UGT1A7: variants seen among roughly 807,000 people sequenced by gnomAD.
UGT1A7 encodes UDP-glucuronosyltransferase 1A7.
In UGT1A7, 33 loss-of-function variants were observed where a neutral mutation model predicts 45.6. That is an observed-to-expected ratio of 0.72 (90% CI 0.55 to 0.97). The LOEUF (loss-of-function observed/expected upper bound fraction) is 0.97. Ranked by LOEUF, UGT1A7 falls within the 50% of genes least tolerant of loss-of-function variation. The pLI, the probability that UGT1A7 is intolerant of heterozygous loss-of-function variation, is 0.00. For synonymous variants in UGT1A7, 274 were observed against 250.6 expected, an observed-to-expected ratio of 1.09 and a Z score of -0.88; for missense variants, 684 against 666.2, an observed-to-expected ratio of 1.03 and a Z score of -0.29.
At chr2:233,717,540 G>T (rs1338112101) in intron 1 of UGT1A7, among the ~76,000 whole-genome samples, 1 of 152,252 alleles carries the variant, frequency 6.6e-6, no homozygotes, top group African/African-American at 2.4e-5. Context: ...GGAAGCCTCA[G>T]CCTCACCAGC....
intron 1 of UGT1A7, chr2:233,729,291 C>A (rs370316255): frequency 1.9e-5 from 30 of 1,614,090 alleles, no homozygotes; most frequent in African/African-American, 2.7e-5. Context: ...ATGCCAGAGG[C>A]CACCAGGCAG....
chr2:233,724,157 G>A (rs1410071236), intron 1 of UGT1A7, among the ~76,000 whole-genome samples: 2 of 119,956 alleles, frequency 1.7e-5, no homozygotes, highest in African/African-American at 7.4e-5. Flanking sequence ...GCCGGGTGGG[G>A]GGGCTGACCC....
At chr2:233,685,962 G>T (rs2074766524) in intron 1 of UGT1A7, among the ~76,000 whole-genome samples, 1 of 152,080 alleles carries the variant, frequency 6.6e-6, no homozygotes, top group African/African-American at 2.4e-5. Context: ...GTAGATCAAT[G>T]GAATAGAATT....
Position 233,772,612 on chromosome 2 carries a change from A to C in UGT1A7, c.*53A>C. ...TTGAACCATTCCCTAGTCATTTCCAAACTTGAAAACAGAATCAGTGTTAAA... is the reference window on the plus strand; with the variant it reads ...TTGAACCATTCCCTAGTCATTTCCACACTTGAAAACAGAATCAGTGTTAAA... On this transcript the variant is annotated 3_prime_UTR_variant, in exon 5 of 5. Coordinates refer to ENST00000373426, the MANE Select transcript of UGT1A7 (RefSeq NM_019077.3). The C allele has an allele frequency of 6.3e-7, 1 of 1,577,490 alleles. No homozygotes were observed. Among genetic ancestry groups the C allele is most frequent in the Non-Finnish European group, 8.6e-7 (1 of 1,160,700 alleles).
intron 1 of UGT1A7, among the ~76,000 whole-genome samples, chr2:233,766,473 C>CA (rs574900488): frequency 1.1e-4 from 17 of 152,240 alleles, no homozygotes; most frequent in African/African-American, 4.1e-4. Context: ...TTTTTATAGG[C>CA]ACATGATGGG....
chr2:233,728,573 C>T (rs183295666), intron 1 of UGT1A7, among the ~76,000 whole-genome samples: 6 of 152,150 alleles, frequency 3.9e-5, no homozygotes, highest in Non-Finnish European at 7.3e-5. Flanking sequence ...TATCCTGGTG[C>T]GAAAAACGAC....
At position 233,713,884 on chromosome 2, in the gene UGT1A7, C is replaced by T. The variant is rs182934742; in HGVS notation, c.855+31092C>T. 373 of 1,613,558 alleles carry T rather than the reference C, an allele frequency of 2.3e-4. 1 individual carries two copies. The African/African-American group carries it at 4.1e-3, about 18-fold the overall frequency. On this transcript the variant is annotated intron_variant, in intron 1 of 4. Coordinates refer to ENST00000373426, the MANE Select transcript of UGT1A7 (RefSeq NM_019077.3). ...GTCTGTATTGGTGCCTTTATCCAAT[C>T]AATGTTCCAGGCAAAACACTTTTTA...
Position 233,682,167 on chromosome 2 carries a change from A to C in UGT1A7, c.230A>C (p.Tyr77Ser), listed in dbSNP as rs765761733. Reference protein sequence around the residue: ...GRSLNCTVKTYSTSYTLEDQD... With the variant: ...GRSLNCTVKTSSTSYTLEDQD... ...TCACTGAATTGCACAGTGAAGACTTACTCAACCTCATACACTCTGGAGGAT... is the reference window on the plus strand; with the variant it reads ...TCACTGAATTGCACAGTGAAGACTTCCTCAACCTCATACACTCTGGAGGAT... The change falls in exon 1 of 5, where the codon TAC becomes TCC. Residue 77 changes from tyrosine (Y) to serine (S), a missense_variant. Transcript: ENST00000373426. The C allele has an allele frequency of 5.6e-6, 9 of 1,614,002 alleles. No individual in the cohort carries two copies. Among genetic ancestry groups the C allele is most frequent in the Admixed American group, 5.0e-5 (3 of 60,004 alleles).
intron 1 of UGT1A7, among the ~76,000 whole-genome samples, chr2:233,700,694 C>T (rs1168868240): frequency 6.6e-6 from 1 of 151,780 alleles, no homozygotes; most frequent in African/African-American, 2.4e-5. Context: ...ATATAAACTA[C>T]ACTTTGAATG....
chr2:233,721,426 G>A (rs2076944499), intron 1 of UGT1A7: 1 of 156,732 alleles, frequency 6.4e-6, no homozygotes, highest in African/African-American at 2.4e-5. Flanking sequence ...CCTAAGCATT[G>A]TGGTTTTAAT....
intron 1 of UGT1A7, among the ~76,000 whole-genome samples, chr2:233,757,480 T>G (rs935196749): frequency 1.4e-5 from 2 of 146,296 alleles, no homozygotes; most frequent in African/African-American, 5.1e-5. Context: ...TCCAAAACCA[T>G]GGACTGGCAC....
chr2:233,719,979 C>T (rs2076818736), intron 1 of UGT1A7, among the ~76,000 whole-genome samples: 1 of 152,162 alleles, frequency 6.6e-6, no homozygotes, highest in Non-Finnish European at 1.5e-5. Flanking sequence ...TTCAGCTCGG[C>T]AGGATCAGGG....
In UGT1A7 at chr2:233,766,922, G is replaced by A. The variant is rs955173337; in HGVS notation, c.856-112G>A. The A allele has an allele frequency of 8.3e-6, 13 of 1,559,654 alleles. No individual in the cohort carries two copies. The Middle Eastern group carries it at 1.0e-3, about 123-fold the overall frequency. On this transcript the variant is annotated intron_variant, in intron 1 of 4. Transcript: ENST00000373426. ...TAATTTTTTACTCTATCTCAAACAC[G>A]CATGCCTTTAATCATAGTCTTAAGA...
At chr2:233,740,004 G>A (rs1691279372) in intron 1 of UGT1A7, among the ~76,000 whole-genome samples, 1 of 151,810 alleles carries the variant, frequency 6.6e-6, no homozygotes, top group African/African-American at 2.4e-5. Context: ...GTCATACTAA[G>A]TGAGTTCTCA....
intron 4 of UGT1A7, chr2:233,771,715 T>C (rs1700358256): frequency 6.5e-6 from 1 of 152,904 alleles, no homozygotes; most frequent in African/African-American, 2.4e-5. Flanking sequence ...AAGGTTAAAA[T>C]ATTTCTAAAA....
Position 233,729,529 on chromosome 2 carries a change from G to A in UGT1A7, c.856-37505G>A, listed in dbSNP as rs764609992. 2.5e-6 allele frequency: 4 copies of A among 1,614,202 alleles called. No homozygotes were observed. The South Asian group carries it at 3.3e-5, about 13-fold the overall frequency. On this transcript the variant is annotated intron_variant, in intron 1 of 4. Coordinates refer to ENST00000373426, the MANE Select transcript of UGT1A7 (RefSeq NM_019077.3). ...GTCTTGTGTGGAGCTACTACATAAT[G>A]AGGCCCTGATCAGGCACCTGAATGC...
chr2:233,719,161 T>C, intron 1 of UGT1A7: 2 of 1,614,250 alleles, frequency 1.2e-6, no homozygotes, highest in Non-Finnish European at 1.7e-6. Flanking sequence ...TCTAGAAGTA[T>C]GGCAATTATG....
At chr2:233,698,592 A>G (rs1559349856) in intron 1 of UGT1A7, among the ~76,000 whole-genome samples, 1 of 152,200 alleles carries the variant, frequency 6.6e-6, no homozygotes, top group South Asian at 2.1e-4. Context: ...TAATCCAAGA[A>G]ATTCGGATTA....
chr2:233,698,318 G>A (rs2075436296), intron 1 of UGT1A7, among the ~76,000 whole-genome samples: 1 of 152,208 alleles, frequency 6.6e-6, no homozygotes, highest in Non-Finnish European at 1.5e-5. Flanking sequence ...GGAAATGTCT[G>A]GAACCAGATA....
Sources: gnomAD v4.1 joint callset for allele counts (sites outside exome capture counted in the v4.1 genomes callset) on GRCh38, gnomAD v4.1.1 for gene constraint, MANE v1.5 for transcripts, NCBI Gene and HGNC (gene_info 2026-07-23, HGNC 2026-07-21) for gene names.